The following STK33 variants were observed in gnomAD, a reference collection of about 807,000 sequenced individuals.
The protein encoded by STK33 is serine/threonine kinase 33.
STK33 carries 52 observed loss-of-function variants against 58.0 expected under a neutral mutation model. That is an observed-to-expected ratio of 0.90 (90% CI 0.72 to 1.13). STK33 has a LOEUF of 1.13. Ranked by LOEUF, STK33 falls within the 50% of genes most tolerant of loss-of-function variation. The pLI, the probability that STK33 is intolerant of heterozygous loss-of-function variation, is 0.00. For synonymous variants in STK33, 215 were observed against 200.1 expected (o/e 1.07, Z -0.63); for missense variants, 630 against 604.2 (o/e 1.04, Z -0.45).
chr11:8,543,692 C>T (rs891425909), intron 1 of STK33, among the ~76,000 whole-genome samples: 4 of 152,046 alleles, frequency 2.6e-5, no homozygotes, highest in African/African-American at 9.7e-5. Flanking sequence ...GATAGCACAA[C>T]AGGGTGACTA....
intron 1 of STK33, among the ~76,000 whole-genome samples, chr11:8,562,782 T>C (rs1467376217): frequency 1.3e-5 from 2 of 152,198 alleles, no homozygotes; most frequent in Admixed American, 1.3e-4. Flanking sequence ...ATTCATCAAA[T>C]ATGCATAGGA....
intron 1 of STK33, among the ~76,000 whole-genome samples, chr11:8,582,251 T>C (rs1324031010): frequency 6.6e-6 from 1 of 152,170 alleles, no homozygotes; most frequent in African/African-American, 2.4e-5. Context: ...CTACAGCATA[T>C]AGCTTGATAT....
chr11:8,513,639 G>T (rs902023164), intron 1 of STK33, among the ~76,000 whole-genome samples: 1 of 152,042 alleles, frequency 6.6e-6, no homozygotes, highest in African/African-American at 2.4e-5. Flanking sequence ...AAGTACTCAA[G>T]ACTTTAAAAC....
rs1217974364 is a variant in STK33 at position 8,452,822 on chromosome 11, C to T, written c.871G>A (p.Ala291Thr). 1.2e-6 allele frequency: 2 copies of T among 1,613,200 alleles called. No homozygotes were observed. Among genetic ancestry groups the T allele is most frequent in the South Asian group, 1.1e-5 (1 of 91,022 alleles). ...QATCGTPIYMAPEVISAHDYS... is the reference protein window; with the variant it reads ...QATCGTPIYMTPEVISAHDYS... ...ATTAATTTTAAGTCTACTAACTTAC[C>T]CATATAGATAGGAGTCCCACATGTG... Residue 291 changes from alanine (A) to threonine (T), a missense_variant and splice_region_variant, in exon 11 of 16, where the codon GCC becomes ACC. Ala to Thr is a moderately conservative substitution (Grantham distance 58). Transcript: ENST00000687296.
chr11:8,368,026 A>G, the STK33 span, among the ~76,000 whole-genome samples: 3 of 152,084 alleles, frequency 2.0e-5, no homozygotes, highest in Non-Finnish European at 4.4e-5. Flanking sequence ...CATGTGATGA[A>G]GCGGGACTGA....
At chr11:8,538,461 C>T (rs1272735555) in intron 1 of STK33, among the ~76,000 whole-genome samples, 1 of 152,156 alleles carries the variant, frequency 6.6e-6, no homozygotes, top group Admixed American at 6.5e-5. Flanking sequence ...ATCATGCCCC[C>T]AGTAATGTAT....
downstream of STK33, among the ~76,000 whole-genome samples, chr11:8,390,508 C>T (rs971674076): frequency 6.6e-6 from 1 of 152,138 alleles, no homozygotes; most frequent in Non-Finnish European, 1.5e-5. Flanking sequence ...GGAAACAAAG[C>T]TCAGACATGG....
At chr11:8,341,419 A>T in the STK33 span, among the ~76,000 whole-genome samples, 1 of 151,786 alleles carries the variant, frequency 6.6e-6, no homozygotes, top group Non-Finnish European at 1.5e-5. Flanking sequence ...ACTCTCATTG[A>T]CTCCCTGAAA....
chr11:8,508,625 ACC>A (rs951080410), intron 1 of STK33, among the ~76,000 whole-genome samples: 2 of 151,820 alleles, frequency 1.3e-5, no homozygotes, highest in African/African-American at 4.8e-5. Flanking sequence ...TTGTCACAAC[ACC>A]CCTCATCCCA....
At chr11:8,553,316 C>T (rs1393485933) in intron 1 of STK33, among the ~76,000 whole-genome samples, 1 of 147,432 alleles carries the variant, frequency 6.8e-6, no homozygotes. Flanking sequence ...TATTATCTAG[C>T]ATTATGTACT....
At chr11:8,526,726 G>A (rs1427290728) in intron 1 of STK33, among the ~76,000 whole-genome samples, 1 of 150,962 alleles carries the variant, frequency 6.6e-6, no homozygotes, top group Non-Finnish European at 1.5e-5. Context: ...TAAATCTAAT[G>A]CAAGATGTGT....
chr11:8,526,087 G>A (rs1459594493), intron 1 of STK33, among the ~76,000 whole-genome samples: 1 of 152,142 alleles, frequency 6.6e-6, no homozygotes, highest in Non-Finnish European at 1.5e-5. Flanking sequence ...AAGAGAACTC[G>A]CATACACTAC....
In STK33 at chr11:8,593,251, CTTG is replaced by C. The variant is rs1478486369; in HGVS notation, c.-466+829_-466+831del. On this transcript the variant is annotated intron_variant, in intron 1 of 15. Transcript: ENST00000687296. ...ACAAGGAAAGAGTTTGGGTTCAAAA[CTTG>C]TTGATGTTCCTTTCCATTCACAGAG... Among the ~76,000 whole-genome samples the C allele has an allele frequency of 2.0e-5, 3 of 152,142 alleles. No homozygotes were observed. In the East Asian group the frequency reaches 5.8e-4, roughly 29 times the overall value.
At chr11:8,399,734 A>G (rs1187158128) in intron 15 of STK33, among the ~76,000 whole-genome samples, 2 of 152,334 alleles carry the variant, frequency 1.3e-5, no homozygotes, top group East Asian at 1.9e-4. Context: ...AGACTAATAA[A>G]GAAGAAAAGA....
intron 1 of STK33, among the ~76,000 whole-genome samples, chr11:8,572,698 C>A (rs145979714): frequency 1.3e-5 from 2 of 152,074 alleles, no homozygotes; most frequent in Admixed American, 6.6e-5. Flanking sequence ...TGATTACAGG[C>A]GTGAGTCACC....
chr11:8,478,259 T>C (rs796078031), intron 2 of STK33, among the ~76,000 whole-genome samples: 98 of 152,298 alleles, frequency 6.4e-4, no homozygotes, highest in African/African-American at 2.2e-3. Context: ...TCTTTTTCTA[T>C]AGAATCATGG....
At chr11:8,404,161 T>G (rs2135398753) in intron 15 of STK33, among the ~76,000 whole-genome samples, 1 of 152,340 alleles carries the variant, frequency 6.6e-6, no homozygotes, top group East Asian at 1.9e-4. Context: ...GAAGAAAAAT[T>G]GACTTCCAAA....
intron 8 of STK33, among the ~76,000 whole-genome samples, chr11:8,459,770 G>A (rs72852673): frequency 3.6e-4 from 55 of 152,250 alleles, no homozygotes; most frequent in Non-Finnish European, 7.1e-4. Context: ...GAGCATCAAA[G>A]AGGAGAATGC....
chr11:8,373,699 C>G, the STK33 span, among the ~76,000 whole-genome samples: 65 of 152,276 alleles, frequency 4.3e-4, no homozygotes, highest in East Asian at 0.011. Flanking sequence ...ACCCTCTTCA[C>G]AGCGGGATCA....
Sources: allele counts gnomAD v4.1 joint callset (sites outside exome capture counted in the v4.1 genomes callset), GRCh38; gene constraint gnomAD v4.1.1; transcripts MANE v1.5; gene names NCBI Gene and HGNC (gene_info 2026-07-23, HGNC 2026-07-21).